Variants in EIF2AK3 observed in about 807,000 individuals in gnomAD.
The protein encoded by EIF2AK3 is eukaryotic translation initiation factor 2 alpha kinase 3, also known as eukaryotic translation initiation factor 2-alpha kinase 3.
Under a neutral mutation model 113.5 loss-of-function variants are expected in EIF2AK3, and 50 were observed. The ratio of observed to expected loss-of-function variants is 0.44; its 90% confidence interval spans 0.35 to 0.56. The LOEUF (loss-of-function observed/expected upper bound fraction) is 0.56. Ranked by LOEUF, EIF2AK3 falls within the 20% of genes least tolerant of loss-of-function variation. The pLI is 0.00. For missense variants in EIF2AK3, 1,185 were observed against 1,378.0 expected, an observed-to-expected ratio of 0.86 and a Z score of 2.22; for synonymous variants, 448 against 495.4, an observed-to-expected ratio of 0.90 and a Z score of 1.27.
chr2:88,601,058 T>C (rs971345594), intron 2 of EIF2AK3, among the ~76,000 whole-genome samples: 13 of 152,222 alleles, frequency 8.5e-5, no homozygotes, highest in Non-Finnish European at 1.6e-4. Context: ...TCACCTACTA[T>C]ATACTTGTTT....
At chr2:88,624,374 C>A (rs1035193915) in intron 1 of EIF2AK3, among the ~76,000 whole-genome samples, 1 of 152,190 alleles carries the variant, frequency 6.6e-6, no homozygotes, top group African/African-American at 2.4e-5. Context: ...TAAAAATTAC[C>A]TCATCAGTGA....
rs183266278 is a variant in EIF2AK3 at position 88,571,563 on chromosome 2, C to A, written c.2818-522G>T. Among the ~76,000 whole-genome samples, 45 of 152,258 alleles carry A rather than the reference C, an allele frequency of 3.0e-4. No homozygotes were observed. The East Asian group carries it at 8.5e-3, about 29-fold the overall frequency. On this transcript the variant is annotated intron_variant, in intron 13 of 16. Coordinates refer to ENST00000303236, the MANE Select transcript of EIF2AK3 (RefSeq NM_004836.7). ...AAGTTAAACAAATTGCCCAAGGTTACCCAACTAGCAAGTGGTGAAGCAGGG... is the reference window on the plus strand; with the variant it reads ...AAGTTAAACAAATTGCCCAAGGTTAACCAACTAGCAAGTGGTGAAGCAGGG...
At position 88,590,397 on chromosome 2, in the gene EIF2AK3, C is replaced by A. The variant is rs372587648; in HGVS notation, c.1165+46G>T. On this transcript the variant is annotated intron_variant, in intron 6 of 16. Transcript: ENST00000303236. ...GGAAGGAACAATGTAAGAAGAAAATCTAGATGTCAATGTGTACTATCGTTA... is the reference window on the plus strand; with the variant it reads ...GGAAGGAACAATGTAAGAAGAAAATATAGATGTCAATGTGTACTATCGTTA... The A allele has an allele frequency of 3.4e-5, 55 of 1,601,292 alleles. No homozygotes were observed. The African/African-American group carries it at 6.8e-4, about 20-fold the overall frequency.
In EIF2AK3 at chr2:88,579,558, C is replaced by A; in HGVS notation, c.1846G>T (p.Asp616Tyr). ...ATCCTCTTGATAGCATAATTGCAGT[C>A]ATCTACTTTGTTTTTAGCTTCAAAA... ...VVFEAKNKVD[D>Y]CNYAIKRIRL... The change falls in exon 11 of 17, where the codon GAC (aspartate) becomes TAC (tyrosine). Residue 616 changes from aspartate to tyrosine, a missense_variant. By Grantham distance (160) the Asp-to-Tyr change is radical. Transcript: ENST00000303236. 6.2e-7 allele frequency: 1 copy of A among 1,613,644 alleles called. No individual in the cohort carries two copies. The highest frequency in any genetic ancestry group is 1.1e-5 in the South Asian group (1 of 91,048).
chr2:88,583,357 A>C, intron 10 of EIF2AK3, 73 bp downstream of exon 10: 1 of 1,048,048 alleles, frequency 9.5e-7, no homozygotes, highest in East Asian at 2.5e-5. Flanking sequence ...TCCACACATT[A>C]AAAAAAAAGT....
chr2:88,605,072 A>C (rs143700250), intron 2 of EIF2AK3, among the ~76,000 whole-genome samples: 1 of 152,190 alleles, frequency 6.6e-6, no homozygotes, highest in African/African-American at 2.4e-5. Context: ...CTAAGAATAG[A>C]TATCACTTTA....
chr2:88,613,970 G>A (rs943609114), intron 1 of EIF2AK3, 117 bp from the exon 2 acceptor site: 3 of 911,030 alleles, frequency 3.3e-6, no homozygotes, highest in African/African-American at 1.7e-5. Context: ...GAAAGGAAGA[G>A]GGGGCCTTCT....
intron 1 of EIF2AK3, among the ~76,000 whole-genome samples, chr2:88,617,976 T>G (rs1675628361): frequency 6.6e-6 from 1 of 151,574 alleles, no homozygotes; most frequent in Non-Finnish European, 1.5e-5. Flanking sequence ...GGGCCAGGAG[T>G]TTCAGACCAG....
chr2:88,602,111 A>T (rs914130114), intron 2 of EIF2AK3, among the ~76,000 whole-genome samples: 7 of 152,188 alleles, frequency 4.6e-5, no homozygotes, highest in African/African-American at 1.7e-4. Flanking sequence ...TCAGCCTTTC[A>T]AAGTGCTGGG....
intron 10 of EIF2AK3, 64 bp from the exon 11 acceptor site, chr2:88,579,704 A>G: frequency 6.8e-7 from 1 of 1,461,164 alleles, no homozygotes; most frequent in Admixed American, 1.8e-5. Flanking sequence ...TAATGTGAAA[A>G]TCAGTTCAAT....
chr2:88,575,539 A>T, intron 12 of EIF2AK3, 93 bp from the exon 13 acceptor site: 1 of 1,339,272 alleles, frequency 7.5e-7, no homozygotes, highest in Admixed American at 1.8e-5. Flanking sequence ...TTCAACTGTA[A>T]TAAGGCCACT....
At chr2:88,596,723 GA>G (rs1376552647) in intron 2 of EIF2AK3, among the ~76,000 whole-genome samples, 2 of 152,196 alleles carry the variant, frequency 1.3e-5, no homozygotes, top group African/African-American at 4.8e-5. Flanking sequence ...AGAGCAGGCA[GA>G]AGGTAAGAGG....
intron 2 of EIF2AK3, among the ~76,000 whole-genome samples, chr2:88,598,426 G>C (rs117538520): frequency 6.6e-6 from 1 of 152,132 alleles, no homozygotes; most frequent in Non-Finnish European, 1.5e-5. Flanking sequence ...ATAACCAAAA[G>C]TAAAAATCAT....
At chr2:88,623,547 C>CT (rs910549325) in intron 1 of EIF2AK3, among the ~76,000 whole-genome samples, 46 of 152,114 alleles carry the variant, frequency 3.0e-4, no homozygotes, top group African/African-American at 9.7e-5. Flanking sequence ...ACACCTCCTC[C>CT]TTTTTAAAAG....
intron 2 of EIF2AK3, among the ~76,000 whole-genome samples, chr2:88,601,161 AT>A (rs1675139581): frequency 6.6e-6 from 1 of 152,198 alleles, no homozygotes; most frequent in African/African-American, 2.4e-5. Context: ...ATTACATCTG[AT>A]TCTTTTCCCT....
chr2:88,563,403 A>C (rs907032717), intron 14 of EIF2AK3, among the ~76,000 whole-genome samples: 4 of 152,214 alleles, frequency 2.6e-5, no homozygotes, highest in African/African-American at 9.7e-5. Context: ...AGACTGTAGC[A>C]ATCTGAACCC....
At chr2:88,603,676 GTCTC>G (rs1470072361) in intron 2 of EIF2AK3, among the ~76,000 whole-genome samples, 1 of 152,080 alleles carries the variant, frequency 6.6e-6, no homozygotes, top group East Asian at 1.9e-4. Context: ...TAACTTATCA[GTCTC>G]TCTCAATTTT....
chr2:88,604,486 T>C (rs933476046), intron 2 of EIF2AK3, among the ~76,000 whole-genome samples: 2 of 152,246 alleles, frequency 1.3e-5, no homozygotes, highest in Non-Finnish European at 2.9e-5. Context: ...GCACTTATGC[T>C]TGTTAGAGTC....
chr2:88,620,155 A>G (rs936138639), intron 1 of EIF2AK3, among the ~76,000 whole-genome samples: 1 of 152,142 alleles, frequency 6.6e-6, no homozygotes, highest in African/African-American at 2.4e-5. Flanking sequence ...GTGCCCACTG[A>G]AAAAGAAAGG....
Sources: allele counts gnomAD v4.1 joint callset (sites outside exome capture counted in the v4.1 genomes callset), GRCh38; gene constraint gnomAD v4.1.1; transcripts MANE v1.5; gene names NCBI Gene and HGNC (gene_info 2026-07-23, HGNC 2026-07-21).